Variants in SPATA16 observed in about 807,000 individuals in gnomAD.
SPATA16 encodes the protein spermatogenesis-associated protein 16.
In SPATA16, 36 loss-of-function variants were observed where a neutral mutation model predicts 63.3. The ratio of observed to expected loss-of-function variants is 0.57; its 90% CI spans 0.44 to 0.75. The LOEUF is 0.75. Among genes scored for constraint, SPATA16 ranks in the 30% least tolerant of loss-of-function variants. The pLI is 0.00. For missense variants in SPATA16, 646 were observed against 679.3 expected, an observed-to-expected ratio of 0.95 and a Z score of 0.54; for synonymous variants, 203 against 216.7, an observed-to-expected ratio of 0.94 and a Z score of 0.56.
At chr3:172,961,065 T>TCCTTCTTC (rs147947230) in intron 5 of SPATA16, among the ~76,000 whole-genome samples, 1 of 40,144 alleles carries the variant, frequency 2.5e-5, no homozygotes, top group African/African-American at 1.2e-4. Context: ...CTTTCTTTCT[T>TCCTTCTTC]CTTTCTTCCT....
intron 2 of SPATA16, among the ~76,000 whole-genome samples, chr3:173,079,559 C>T (rs532532840): frequency 5.3e-5 from 8 of 152,074 alleles, no homozygotes; most frequent in African/African-American, 1.4e-4. Context: ...TTATCTCCCC[C>T]GTAAGATTTT....
At chr3:173,076,005 T>G (rs758485208) in intron 2 of SPATA16, among the ~76,000 whole-genome samples, 12 of 152,180 alleles carry the variant, frequency 7.9e-5, no homozygotes, top group Non-Finnish European at 1.5e-4. Context: ...ACCCCCGATT[T>G]GATCATTACA....
At chr3:173,059,649 T>C (rs1736327842) in intron 2 of SPATA16, among the ~76,000 whole-genome samples, 1 of 151,976 alleles carries the variant, frequency 6.6e-6, no homozygotes, top group Non-Finnish European at 1.5e-5. Flanking sequence ...TTTGCATATT[T>C]GTTACTCATT....
chr3:173,066,449 G>C (rs1353488482), intron 2 of SPATA16, among the ~76,000 whole-genome samples: 1 of 152,162 alleles, frequency 6.6e-6, no homozygotes, highest in Admixed American at 6.5e-5. Flanking sequence ...CCAACTCCAG[G>C]CAGCCCAGCA....
intron 1 of SPATA16, among the ~76,000 whole-genome samples, chr3:173,132,663 A>G (rs1227086960): frequency 6.6e-6 from 1 of 152,198 alleles, no homozygotes; most frequent in African/African-American, 2.4e-5. Flanking sequence ...AGATTGGAAG[A>G]AGTCAAGGAT....
chr3:173,007,229 C>T (rs1052507080), intron 4 of SPATA16, among the ~76,000 whole-genome samples: 5 of 152,060 alleles, frequency 3.3e-5, no homozygotes, highest in Admixed American at 1.3e-4. Context: ...AACCAGAGGG[C>T]GGGTTATGCT....
intron 6 of SPATA16, among the ~76,000 whole-genome samples, chr3:172,944,335 C>G (rs532323268): frequency 6.6e-6 from 1 of 152,238 alleles, no homozygotes; most frequent in South Asian, 2.1e-4. Context: ...TGTTAGGATG[C>G]TATTAGCAAA....
At chr3:173,101,628 G>A (rs1346549723) in intron 2 of SPATA16, among the ~76,000 whole-genome samples, 1 of 152,092 alleles carries the variant, frequency 6.6e-6, no homozygotes, top group African/African-American at 2.4e-5. Context: ...CATCATCTGA[G>A]TGAGTTCAGA....
At chr3:172,896,922 T>A (rs1458536040) in intron 10 of SPATA16, among the ~76,000 whole-genome samples, 1 of 151,992 alleles carries the variant, frequency 6.6e-6, no homozygotes, top group East Asian at 1.9e-4. Context: ...TTTAACAGAG[T>A]CCTTCCACAG....
At chr3:173,056,206 A>G (rs576605163) in intron 2 of SPATA16, among the ~76,000 whole-genome samples, 1 of 152,362 alleles carries the variant, frequency 6.6e-6, no homozygotes, top group East Asian at 1.9e-4. Flanking sequence ...GATGTTTGCT[A>G]TAAAATGAGG....
intron 3 of SPATA16, among the ~76,000 whole-genome samples, chr3:173,035,654 A>G (rs1324866476): frequency 1.3e-5 from 2 of 152,134 alleles, no homozygotes; most frequent in African/African-American, 4.8e-5. Flanking sequence ...TATTGCAACT[A>G]TTCTGATGAA....
At chr3:172,921,912 G>A (rs185694470) in intron 8 of SPATA16, among the ~76,000 whole-genome samples, 112 of 152,236 alleles carry the variant, frequency 7.4e-4, no homozygotes, top group Non-Finnish European at 1.3e-3. Flanking sequence ...TTGTCTACAC[G>A]TATCACAAAT....
intron 5 of SPATA16, among the ~76,000 whole-genome samples, chr3:172,971,841 T>C (rs1163602070): frequency 6.6e-6 from 1 of 152,104 alleles, no homozygotes; most frequent in African/African-American, 2.4e-5. Flanking sequence ...AGTAAATGCC[T>C]CCTGGTAGGC....
intron 2 of SPATA16, among the ~76,000 whole-genome samples, chr3:173,089,035 T>C (rs1737156551): frequency 6.6e-6 from 1 of 152,178 alleles, no homozygotes; most frequent in Non-Finnish European, 1.5e-5. Flanking sequence ...TCCTGCTGTA[T>C]GACCCACTGG....
In SPATA16 at chr3:173,055,004, A is replaced by G. The variant is rs1487832679; in HGVS notation, c.613-5910T>C. On this transcript the variant is annotated intron_variant, in intron 2 of 10. Transcript: ENST00000351008. ...AAGTGAACAAAAGACACGAGCAACC[A>G]TTTCATACATATGGCAAATAAGCAC... Among the ~76,000 whole-genome samples the G allele has an allele frequency of 2.6e-5, 4 of 152,232 alleles. No individual in the cohort carries two copies. The East Asian group carries it at 7.7e-4, about 29-fold the overall frequency.
chr3:172,972,123 G>A (rs1734059709), intron 5 of SPATA16, among the ~76,000 whole-genome samples: 1 of 152,120 alleles, frequency 6.6e-6, no homozygotes. Context: ...AAACCATATA[G>A]GCCATTGATA....
At chr3:173,131,072 G>A (rs998513502) in intron 1 of SPATA16, among the ~76,000 whole-genome samples, 2 of 152,074 alleles carry the variant, frequency 1.3e-5, no homozygotes, top group African/African-American at 4.8e-5. Flanking sequence ...AATATTTGAG[G>A]ACTGATTGCA....
intron 2 of SPATA16, among the ~76,000 whole-genome samples, chr3:173,105,455 C>T (rs998517609): frequency 6.6e-6 from 1 of 152,210 alleles, no homozygotes; most frequent in African/African-American, 2.4e-5. Context: ...ACCTCGAGTC[C>T]ATGAGGAGTA....
chr3:172,899,753 TAG>T (rs1393821589), intron 10 of SPATA16, among the ~76,000 whole-genome samples: 1 of 152,118 alleles, frequency 6.6e-6, no homozygotes, highest in Non-Finnish European at 1.5e-5. Flanking sequence ...TTGACATAAC[TAG>T]AGTTTTTGAT....
Sources: gnomAD v4.1 joint callset for allele counts (sites outside exome capture counted in the v4.1 genomes callset) on GRCh38, gnomAD v4.1.1 for gene constraint, MANE v1.5 for transcripts, NCBI Gene and HGNC (gene_info 2026-07-23, HGNC 2026-07-21) for gene names.